The following TPP2 variants were observed in gnomAD, a reference collection of about 807,000 sequenced individuals.
The protein encoded by TPP2 is tripeptidyl-peptidase 2.
A neutral mutation model predicts 155.9 loss-of-function variants in TPP2; 34 were observed. The observed-to-expected ratio is 0.22, with a 90% CI of 0.17 to 0.29. The LOEUF (loss-of-function observed/expected upper bound fraction) is 0.29. TPP2 is among the 10% of genes least tolerant of loss of function. TPP2 has a pLI of 1.00. For synonymous variants in TPP2, 510 were observed against 529.4 expected (o/e 0.96, Z 0.50); for missense variants, 1,028 against 1,522.3 (o/e 0.68, Z 5.40).
chr13:102,605,699 C>CTT (rs772696801), intron 2 of TPP2, among the ~76,000 whole-genome samples: 2 of 135,306 alleles, frequency 1.5e-5, no homozygotes, highest in African/African-American at 5.4e-5. Context: ...CCAGCTTTGT[C>CTT]TTTTTTTTTT....
intron 2 of TPP2, chr13:102,607,487 A>G (rs1268499102): frequency 1.1e-5 from 2 of 175,032 alleles, no homozygotes; most frequent in Non-Finnish European, 2.5e-5. Flanking sequence ...TCAAAGGGAA[A>G]CTTGGGATTC....
chr13:102,631,806 A>G (rs1235027633), intron 10 of TPP2, among the ~76,000 whole-genome samples: 1 of 152,246 alleles, frequency 6.6e-6, no homozygotes, highest in Non-Finnish European at 1.5e-5. Context: ...AGATGGTATA[A>G]AATATGAAAC....
At chr13:102,643,095 A>T in intron 16 of TPP2, 127 bp from the exon 17 acceptor site, 1 of 781,376 alleles carries the variant, frequency 1.3e-6, no homozygotes, top group Non-Finnish European at 1.8e-6. Context: ...TTGAGTGTAC[A>T]TTTTATTTTT....
chr13:102,668,086 T>C (rs1386755968), intron 27 of TPP2, among the ~76,000 whole-genome samples: 2 of 152,206 alleles, frequency 1.3e-5, no homozygotes, highest in East Asian at 3.8e-4. Flanking sequence ...AAGGTTGGTT[T>C]TTGGAGACAG....
At chr13:102,614,341 T>G in intron 3 of TPP2, 145 bp downstream of exon 3, 1 of 621,966 alleles carries the variant, frequency 1.6e-6, no homozygotes, top group South Asian at 2.4e-5. Flanking sequence ...AAACAATGAC[T>G]GCTTAAAGAT....
chr13:102,615,027 C>A (rs996642165), intron 3 of TPP2, among the ~76,000 whole-genome samples: 1 of 152,082 alleles, frequency 6.6e-6, no homozygotes. Context: ...AAGGTATAAT[C>A]CTGGGAAGTG....
chr13:102,643,493 AT>A, intron 17 of TPP2, 117 bp downstream of exon 17: 9 of 1,054,952 alleles, frequency 8.5e-6, no homozygotes, highest in Non-Finnish European at 8.7e-6. Context: ...GGGATTATAT[AT>A]TTTTTTAATG....
intron 25 of TPP2, among the ~76,000 whole-genome samples, chr13:102,661,718 A>G (rs1299538220): frequency 3.3e-5 from 5 of 152,208 alleles, no homozygotes; most frequent in Non-Finnish European, 2.9e-5. Context: ...CATCAAAATC[A>G]CAATGAAATA....
intron 16 of TPP2, among the ~76,000 whole-genome samples, chr13:102,640,937 A>G (rs1188315453): frequency 6.6e-6 from 1 of 152,248 alleles, no homozygotes; most frequent in African/African-American, 2.4e-5. Context: ...GGCATGAGCA[A>G]CTGTGCCCGG....
At chr13:102,630,784 G>T (rs901239327) in intron 10 of TPP2, among the ~76,000 whole-genome samples, 7 of 152,120 alleles carry the variant, frequency 4.6e-5, no homozygotes, top group African/African-American at 1.7e-4. Flanking sequence ...GTAATTCTTC[G>T]TTATATCATC....
intron 2 of TPP2, chr13:102,608,150 AGAC>A (rs1879993385): frequency 1.3e-5 from 2 of 152,262 alleles, no homozygotes; most frequent in African/African-American, 2.4e-5. Flanking sequence ...TAGTTTAAAA[AGAC>A]AAATATTTTT....
intron 27 of TPP2, among the ~76,000 whole-genome samples, chr13:102,665,687 T>C (rs1884548011): frequency 6.6e-6 from 1 of 152,230 alleles, no homozygotes; most frequent in South Asian, 2.1e-4. Flanking sequence ...TTGTTTATTT[T>C]TGACTTACAG....
chr13:102,618,401 C>A (rs1462230195), intron 4 of TPP2, among the ~76,000 whole-genome samples: 1 of 152,114 alleles, frequency 6.6e-6, no homozygotes, highest in African/African-American at 2.4e-5. Context: ...AGTTAGATAA[C>A]AAATATGTAA....
rs1186057900 is a variant in TPP2 at position 102,676,280 on chromosome 13, A to G, written c.3580-16A>G. ...AATTATTTTATAAACAAGCTTTATC[A>G]TGTTTTACATTGTAGGTTTTGACAT... On this transcript the variant is annotated splice_polypyrimidine_tract_variant and intron_variant, in intron 28 of 29. Coordinates refer to ENST00000376052, the MANE Select transcript of TPP2 (RefSeq NM_001330588.2). The G allele has an allele frequency of 3.2e-6, 5 of 1,565,952 alleles. No homozygotes were observed. In the African/African-American group the frequency reaches 5.5e-5, roughly 17 times the overall value.
chr13:102,597,296 C>T (rs1402323333), intron 1 of TPP2, 93 bp downstream of exon 1: 2 of 731,242 alleles, frequency 2.7e-6, no homozygotes, highest in African/African-American at 3.7e-5. Context: ...GCCAAAGCCC[C>T]GCTCTGCGGC....
At chr13:102,624,852 CTTTTTTTTTTTTTTTT>C (rs1029486604) in intron 6 of TPP2, among the ~76,000 whole-genome samples, 2 of 83,426 alleles carry the variant, frequency 2.4e-5, no homozygotes, top group Non-Finnish European at 4.3e-5. Context: ...TTTTTTTTTC[CTTTTTTTTTTTTTTTT>C]TTTTTTTTGA....
chr13:102,627,641 TA>T (rs1435476213), intron 7 of TPP2, among the ~76,000 whole-genome samples: 7 of 151,728 alleles, frequency 4.6e-5, no homozygotes, highest in African/African-American at 1.5e-4. Flanking sequence ...TTTTTTTTTT[TA>T]ATGACTACTT....
chr13:102,649,392 G>C lies in TPP2; in HGVS notation c.2874-16G>C, dbSNP rs1361265746. 1.3e-6 allele frequency: 2 copies of C among 1,590,504 alleles called. No homozygotes were observed. The highest frequency in any genetic ancestry group is 1.2e-5 in the South Asian group (1 of 85,872). On this transcript the variant is annotated splice_polypyrimidine_tract_variant and intron_variant, in intron 22 of 29. Transcript: ENST00000376052. ...CTCTTTTGTTGCTTTTTTTCTCTTT[G>C]AATTCTCTTGTTTAGAATACCTAAA...
rs544867999 is a variant in TPP2, at chr13:102,646,349, C to T, written c.2449C>T (p.Arg817Cys). ...LGSRDVLPNN[R>C]QLYEMVLTYN... ...ATCAAGAGATGTTTTGCCAAATAAC[C>T]GTCAACTTTATGAGATGGTCCTGAC... The change falls in exon 20 of 30, where the codon CGT becomes TGT. Residue 817 changes from arginine (R) to cysteine (C), a missense_variant. Transcript: ENST00000376052. 4 of 1,612,966 alleles carry T rather than the reference C, an allele frequency of 2.5e-6. No individual in the cohort carries two copies. The highest frequency in any genetic ancestry group is 2.7e-5 in the African/African-American group (2 of 74,928).
Sources: gnomAD v4.1 joint callset for allele counts (sites outside exome capture counted in the v4.1 genomes callset) on GRCh38, gnomAD v4.1.1 for gene constraint, MANE v1.5 for transcripts, NCBI Gene and HGNC (gene_info 2026-07-23, HGNC 2026-07-21) for gene names.